Variants in SOAT1 observed in about 807,000 individuals in gnomAD.
SOAT1 encodes acyl-coenzyme A:cholesterol acyltransferase 1.
In SOAT1, 55 loss-of-function variants were observed where a neutral mutation model predicts 69.5. The ratio of observed to expected loss-of-function variants is 0.79; its 90% confidence interval spans 0.64 to 0.99. The LOEUF is 0.99. SOAT1 is among the 50% of genes least tolerant of loss of function. The pLI is 0.00. For synonymous variants in SOAT1, 231 were observed against 224.7 expected, an observed-to-expected ratio of 1.03 and a Z score of -0.25; for missense variants, 580 against 669.3, an observed-to-expected ratio of 0.87 and a Z score of 1.47.
intron 10 of SOAT1, among the ~76,000 whole-genome samples, chr1:179,344,129 A>G (rs1368228545): frequency 6.6e-6 from 1 of 152,116 alleles, no homozygotes; most frequent in Non-Finnish European, 1.5e-5. Context: ...TAAAAAAAAA[A>G]AGAATGTATT....
intron 3 of SOAT1, among the ~76,000 whole-genome samples, chr1:179,329,602 T>A (rs1665906229): frequency 1.3e-5 from 2 of 149,692 alleles, no homozygotes; most frequent in South Asian, 4.2e-4. Context: ...ACACCTGTAG[T>A]CCCAAGTACT....
At chr1:179,340,616 T>C (rs1286577500) in intron 6 of SOAT1, among the ~76,000 whole-genome samples, 1 of 152,202 alleles carries the variant, frequency 6.6e-6, no homozygotes, top group Non-Finnish European at 1.5e-5. Flanking sequence ...AAATTGTACC[T>C]ATTTCTTCTG....
chr1:179,349,767 A>G (rs1020737133), intron 13 of SOAT1, among the ~76,000 whole-genome samples: 1 of 152,200 alleles, frequency 6.6e-6, no homozygotes, highest in African/African-American at 2.4e-5. Flanking sequence ...GTTGATAAAC[A>G]GGTATCTAGA....
rs1666766867 is a variant in SOAT1 at position 179,352,298 on chromosome 1, A to G, written c.1596+836A>G. ...ATTTTCAAGTAACACAGTATAGGAC[A>G]TAGGAATTTCCCAGCAAACACTCTG... is the stretch of plus-strand genomic sequence containing the variant. On this transcript the variant is annotated intron_variant, in intron 15 of 15. Transcript: ENST00000367619. Among the ~76,000 whole-genome samples the G allele has an allele frequency of 2.0e-5, 3 of 151,490 alleles. No homozygotes were observed. In the South Asian group the frequency reaches 6.3e-4, roughly 32 times the overall value.
chr1:179,351,895 T>A (rs1266156813), intron 15 of SOAT1, among the ~76,000 whole-genome samples: 1 of 151,720 alleles, frequency 6.6e-6, no homozygotes, highest in Non-Finnish European at 1.5e-5. Flanking sequence ...AATTTTTGTA[T>A]TTTTAGTAGA....
intron 2 of SOAT1, 69 bp downstream of exon 2, chr1:179,302,871 G>A: frequency 1.3e-6 from 1 of 785,326 alleles, no homozygotes; most frequent in Non-Finnish European, 2.0e-6. Context: ...TATAGAATAA[G>A]TATTGCCATC....
intron 5 of SOAT1, 30 bp downstream of exon 5, chr1:179,337,926 T>A: frequency 6.7e-7 from 1 of 1,498,170 alleles, no homozygotes; most frequent in Non-Finnish European, 9.1e-7. Flanking sequence ...TTTAAATATG[T>A]TTGATTTTTA....
At chr1:179,309,130 T>C (rs1392238944) in intron 2 of SOAT1, among the ~76,000 whole-genome samples, 1 of 152,146 alleles carries the variant, frequency 6.6e-6, no homozygotes, top group East Asian at 1.9e-4. Flanking sequence ...GTCGCCCAAG[T>C]TGGAGTGCAG....
rs1373487777 is a variant in SOAT1, at chr1:179,351,428, AATGGT to A, written c.1566_1570del (p.Trp522CysfsTer39). 1 of 1,614,052 alleles carries A rather than the reference AATGGT, an allele frequency of 6.2e-7. No individual in the cohort carries two copies. Among genetic ancestry groups the A allele is most frequent in the Non-Finnish European group, 8.5e-7 (1 of 1,179,986 alleles). On this transcript the variant is annotated frameshift_variant, in exon 15 of 16. Transcript: ENST00000367619. LOFTEE classifies it high-confidence loss of function. ...GTCTTACTCTGCTTTTATTCTCAAG[AATGGT>A]ATGCACGTCAGCACTGTCCTCTGAA...
chr1:179,331,439 C>A (rs181401864), intron 3 of SOAT1, among the ~76,000 whole-genome samples: 1 of 152,208 alleles, frequency 6.6e-6, no homozygotes, highest in Non-Finnish European at 1.5e-5. Context: ...TAATTAGATA[C>A]CTTAAAAATG....
intron 11 of SOAT1, among the ~76,000 whole-genome samples, chr1:179,345,625 C>T (rs1195457458): frequency 1.3e-5 from 2 of 151,534 alleles, no homozygotes; most frequent in Admixed American, 6.6e-5. Flanking sequence ...GCAGTGGTGT[C>T]ATCATGGCTT....
At chr1:179,341,928 A>T in intron 7 of SOAT1, 186 bp from the exon 8 acceptor site, 2 of 383,458 alleles carry the variant, frequency 5.2e-6, no homozygotes, top group Non-Finnish European at 7.2e-6. Flanking sequence ...TAAAAACTTC[A>T]CTTTTGAAAT....
At chr1:179,335,761 T>C in intron 4 of SOAT1, 104 bp downstream of exon 4, 3 of 1,042,098 alleles carry the variant, frequency 2.9e-6, no homozygotes, top group Non-Finnish European at 4.1e-6. Flanking sequence ...CTGGTGTCAC[T>C]TTCTATTGGC....
intron 2 of SOAT1, among the ~76,000 whole-genome samples, chr1:179,303,472 G>A (rs951807302): frequency 7.9e-5 from 12 of 152,182 alleles, no homozygotes; most frequent in Non-Finnish European, 1.5e-4. Flanking sequence ...ATTTGTAAAG[G>A]TTTGATTTCA....
At chr1:179,325,167 T>TTTTTG (rs1342365808) in intron 3 of SOAT1, among the ~76,000 whole-genome samples, 2 of 148,664 alleles carry the variant, frequency 1.3e-5, no homozygotes, top group Non-Finnish European at 1.5e-5. Context: ...TTTTTTTTTT[T>TTTTTG]GAGACAGAGT....
rs181552142 is a variant in SOAT1 at position 179,316,697 on chromosome 1, G to A, written c.119-6740G>A. ...CGTGAGCCACCACGCCTGGCACTAA[G>A]TAGATTATTTATCCTGCTTGGAATT... On this transcript the variant is annotated intron_variant, in intron 2 of 15. Coordinates refer to ENST00000367619, the MANE Select transcript of SOAT1 (RefSeq NM_003101.6). 1.3e-3 allele frequency among the ~76,000 whole-genome samples: 195 copies of A among 152,290 alleles called. 1 individual carries two copies. Among genetic ancestry groups the A allele is most frequent in the African/African-American group, 4.3e-3 (177 of 41,578 alleles).
chr1:179,331,251 A>G (rs1035978413), intron 3 of SOAT1, among the ~76,000 whole-genome samples: 2 of 152,358 alleles, frequency 1.3e-5, no homozygotes, highest in Admixed American at 6.5e-5. Context: ...AAAGGTAGAC[A>G]GGTACCTGTC....
chr1:179,318,301 G>A (rs916080084), intron 2 of SOAT1, among the ~76,000 whole-genome samples: 6 of 151,956 alleles, frequency 3.9e-5, no homozygotes, highest in Admixed American at 1.3e-4. Context: ...GTGAAAATAA[G>A]AAACTGTCTC....
Position 179,340,423 on chromosome 1 carries a change from A to C in SOAT1, c.498-605A>C, listed in dbSNP as rs578186358. 2.0e-5 allele frequency among the ~76,000 whole-genome samples: 3 copies of C among 152,282 alleles called. No individual in the cohort carries two copies. In the South Asian group the frequency reaches 6.2e-4, roughly 32 times the overall value. On this transcript the variant is annotated intron_variant, in intron 6 of 15. Transcript: ENST00000367619. ...CTTGAGCCAGGGAGGTTGAGGCTGC[A>C]GTGGAGCTGTGTTTGTGCCACTGCA...
Sources: allele counts gnomAD v4.1 joint callset (sites outside exome capture counted in the v4.1 genomes callset), GRCh38; gene constraint gnomAD v4.1.1; transcripts MANE v1.5; gene names NCBI Gene and HGNC (gene_info 2026-07-23, HGNC 2026-07-21).